CECR2: variants seen among roughly 807,000 people sequenced by gnomAD.
The protein encoded by CECR2 is chromatin remodeling regulator CECR2.
In CECR2, 30 loss-of-function variants were observed where a neutral mutation model predicts 154.5. The observed-to-expected ratio is 0.19, with a 90% CI of 0.15 to 0.26. The LOEUF (loss-of-function observed/expected upper bound fraction) is 0.26, where lower values mean the gene tolerates loss of function less well. CECR2 is among the 10% of genes least tolerant of loss of function. The probability of loss-of-function intolerance (pLI) is 1.00; values close to 1 mark genes in which losing one functional copy is unlikely to be tolerated. For missense variants in CECR2, 1,743 were observed against 1,829.3 expected, an observed-to-expected ratio of 0.95 and a Z score of 0.86; for synonymous variants, 725 against 683.7, an observed-to-expected ratio of 1.06 and a Z score of -0.94.
At chr22:17,514,292 A>G (rs2056012170) in intron 8 of CECR2, among the ~76,000 whole-genome samples, 1 of 152,148 alleles carries the variant, frequency 6.6e-6, no homozygotes, top group African/African-American at 2.4e-5. Flanking sequence ...ATGTGCTGCT[A>G]ACGGGAGCAA....
At chr22:17,512,655 A>G (rs1354257238) in intron 8 of CECR2, among the ~76,000 whole-genome samples, 2 of 150,188 alleles carry the variant, frequency 1.3e-5, no homozygotes, top group Non-Finnish European at 3.0e-5. Context: ...GTGAGCTACG[A>G]TCGCACCACT....
intron 1 of CECR2, among the ~76,000 whole-genome samples, chr22:17,464,748 A>G (rs1261537377): frequency 6.6e-6 from 1 of 151,980 alleles, no homozygotes; most frequent in Admixed American, 6.6e-5. Context: ...CAGTCCTCCC[A>G]CTTCAGTCCC....
At chr22:17,524,318 C>T in intron 9 of CECR2, 47 bp downstream of exon 9, 1 of 1,594,244 alleles carries the variant, frequency 6.3e-7, no homozygotes, top group Non-Finnish European at 8.5e-7. Context: ...GTCTGTCGAC[C>T]AGCCGTCCTG....
At chr22:17,492,694 C>A (rs1348021953) in intron 2 of CECR2, among the ~76,000 whole-genome samples, 1 of 152,136 alleles carries the variant, frequency 6.6e-6, no homozygotes, top group Non-Finnish European at 1.5e-5. Context: ...TTTTCCTAGA[C>A]AAGAAATAAA....
intron 1 of CECR2, among the ~76,000 whole-genome samples, chr22:17,471,118 A>G (rs1476359862): frequency 6.6e-6 from 1 of 152,184 alleles, no homozygotes; most frequent in Non-Finnish European, 1.5e-5. Flanking sequence ...ACAGCAATAC[A>G]AAGTCAAAGT....
rs117175829 is a variant in CECR2 at position 17,449,875 on chromosome 22, G to A, written c.127-27713G>A. ...CAATGGTCTGATAAGTTTTTCCCCC[G>A]GAAATGTCAGTCACTCCAGTCTAGG... On this transcript the variant is annotated intron_variant, in intron 1 of 18. Coordinates refer to ENST00000262608, the MANE Select transcript of CECR2 (RefSeq NM_001290047.2). Among the ~76,000 whole-genome samples the A allele has an allele frequency of 1.7e-4, 26 of 152,168 alleles. No homozygotes were observed. The East Asian group carries it at 4.4e-3, about 26-fold the overall frequency.
chr22:17,365,116 C>T (rs1439848138), upstream of CECR2, among the ~76,000 whole-genome samples: 1 of 151,700 alleles, frequency 6.6e-6, no homozygotes, highest in African/African-American at 2.4e-5. Flanking sequence ...CCTAGCTACT[C>T]GGGAGGCTGA....
Position 17,532,700 on chromosome 22 carries a change from C to CTTTTTTTTTTTTTTTTTT in CECR2, c.1109-4385_1109-4368dup, listed in dbSNP as rs695634. Among the ~76,000 whole-genome samples, 6 of 35,796 alleles carry CTTTTTTTTTTTTTTTTTT rather than the reference C, an allele frequency of 1.7e-4. 1 individual carries two copies. Among genetic ancestry groups the CTTTTTTTTTTTTTTTTTT allele is most frequent in the African/African-American group, 2.3e-4 (2 of 8,578 alleles). 23.5% of individuals were successfully genotyped at this position (35,796 alleles called of 152,430 possible). ...CCAAGTAGGTATATTCATTATTATT[C>CTTTTTTTTTTTTTTTTTT]TTTTTTTTTTTTTTTTTTTTTTTTT... is the stretch of plus-strand genomic sequence containing the variant. On this transcript the variant is annotated intron_variant, in intron 9 of 18. Transcript: ENST00000262608.
At position 17,490,143 on chromosome 22, in the gene CECR2, T is replaced by TG. The variant is rs1555917174; in HGVS notation, c.222-7260_222-7259insG. ...GTTGAGATCTGTTCCTTACTGTTTTTTTTTTGTGTGTGTGTGTGTGTGTGT... is the reference window on the plus strand; with the variant it reads ...GTTGAGATCTGTTCCTTACTGTTTTTGTTTTTGTGTGTGTGTGTGTGTGTGT... On this transcript the variant is annotated intron_variant, in intron 2 of 18. Transcript: ENST00000262608. 5.9e-5 allele frequency among the ~76,000 whole-genome samples: 7 copies of TG among 119,414 alleles called. No homozygotes were observed. In the South Asian group the frequency reaches 1.9e-3, roughly 32 times the overall value. The allele number at this position is 119,414 out of a possible 152,430, so 78.3% of individuals were successfully genotyped here.
chr22:17,497,334 T>A, intron 2 of CECR2, 69 bp from the exon 3 acceptor site: 1 of 1,445,578 alleles, frequency 6.9e-7, no homozygotes, highest in Middle Eastern at 2.4e-4. Context: ...GAGTTCTCTC[T>A]CTCTCTCCTT....
chr22:17,405,912 C>T (rs2053977287), intron 1 of CECR2, among the ~76,000 whole-genome samples: 1 of 152,188 alleles, frequency 6.6e-6, no homozygotes, highest in African/African-American at 2.4e-5. Context: ...CCAGAGTAGA[C>T]ATCCTGGTCT....
chr22:17,540,723 A>G lies in CECR2; in HGVS notation c.1807A>G (p.Thr603Ala). 1 of 1,612,660 alleles carries G rather than the reference A, an allele frequency of 6.2e-7. No individual in the cohort carries two copies. The highest frequency in any genetic ancestry group is 8.5e-7 in the Non-Finnish European group (1 of 1,179,276). The change falls in exon 14 of 19, where the codon ACT becomes GCT. Residue 603 changes from threonine (T) to alanine (A), a missense_variant. Physicochemically the swap from Thr to Ala is moderately conservative, Grantham distance 58. Coordinates refer to ENST00000262608, the MANE Select transcript of CECR2 (RefSeq NM_001290047.2). ...SSTQPPREVGTSNGRGFSHPL... is the reference protein window; with the variant it reads ...SSTQPPREVGASNGRGFSHPL... The stretch of plus-strand genomic sequence containing the variant: ...CACACAGCCCCCGCGGGAGGTGGGC[A>G]CTTCCAATGGCCGAGGTTTTTCTCA...
At chr22:17,529,710 AAAAAG>A (rs2056324763) in intron 9 of CECR2, among the ~76,000 whole-genome samples, 1 of 152,112 alleles carries the variant, frequency 6.6e-6, no homozygotes, top group Non-Finnish European at 1.5e-5. Flanking sequence ...AAAAAAAAAA[AAAAAG>A]GAAGGATTAA....
chr22:17,525,379 C>T (rs770915432), intron 9 of CECR2, among the ~76,000 whole-genome samples: 20 of 147,420 alleles, frequency 1.4e-4, no homozygotes, highest in African/African-American at 4.5e-4. Context: ...CAGTGGCTCA[C>T]GCCTGTAATC....
At chr22:17,528,278 A>G (rs2056298165) in intron 9 of CECR2, among the ~76,000 whole-genome samples, 1 of 152,236 alleles carries the variant, frequency 6.6e-6, no homozygotes, top group Non-Finnish European at 1.5e-5. Context: ...ACTGGAGGTT[A>G]TTATTTTAAA....
At chr22:17,480,157 C>G (rs2055282144) in intron 2 of CECR2, among the ~76,000 whole-genome samples, 1 of 151,862 alleles carries the variant, frequency 6.6e-6, no homozygotes, top group Admixed American at 6.6e-5. Context: ...AGTTAGTATT[C>G]TTTTGACTCT....
chr22:17,453,033 A>G (rs1388114990), intron 1 of CECR2, among the ~76,000 whole-genome samples: 5 of 152,162 alleles, frequency 3.3e-5, no homozygotes, highest in African/African-American at 1.2e-4. Flanking sequence ...ATATTTATTG[A>G]AATATAGGAA....
intron 1 of CECR2, among the ~76,000 whole-genome samples, chr22:17,394,350 G>GT (rs1346156830): frequency 1.3e-5 from 2 of 151,806 alleles, no homozygotes; most frequent in Non-Finnish European, 2.9e-5. Context: ...GTACAGATGT[G>GT]TGCCACCATG....
At chr22:17,368,756 G>C (rs953451993), upstream of CECR2, among the ~76,000 whole-genome samples, 1 of 151,958 alleles carries the variant, frequency 6.6e-6, no homozygotes, top group South Asian at 2.1e-4. Context: ...CGTCTTCTCC[G>C]GGGCGGTCAC....
Sources: allele counts gnomAD v4.1 joint callset (sites outside exome capture counted in the v4.1 genomes callset), GRCh38; gene constraint gnomAD v4.1.1; transcripts MANE v1.5; gene names NCBI Gene and HGNC (gene_info 2026-07-23, HGNC 2026-07-21).